Variants in VPS51 observed in about 807,000 individuals in gnomAD.
The protein encoded by VPS51 is vacuolar protein sorting-associated protein 51 homolog.
A neutral mutation model predicts 65.1 loss-of-function variants in VPS51; 55 were observed. That is an observed-to-expected ratio of 0.84 (90% confidence interval 0.68 to 1.06). VPS51 has a LOEUF of 1.06. VPS51 is among the 50% of genes least tolerant of loss of function. The pLI, the probability that VPS51 is intolerant of heterozygous loss-of-function variation, is 0.00. For synonymous variants in VPS51, 473 were observed against 489.5 expected (o/e 0.97, Z 0.44); for missense variants, 943 against 1,101.6 (o/e 0.86, Z 2.04).
chr11:65,111,288 TGCAGTCCCCAA>T, intron 9 of VPS51, 28 bp from the exon 10 acceptor site: 1 of 1,598,886 alleles, frequency 6.3e-7, no homozygotes, highest in Admixed American at 1.7e-5. Flanking sequence ...CACACACACC[TGCAGTCCCCAA>T]GCTGCATCCC....
intron 2 of VPS51, chr11:65,105,400 A>AT (rs1423980439): frequency 6.6e-6 from 1 of 152,042 alleles, no homozygotes. Context: ...AAAAAAAAAA[A>AT]AGAATGAGGT....
chr11:65,108,599 C>T lies in VPS51; in HGVS notation c.1128C>T (p.His376=), dbSNP rs1488702632. The T allele has an allele frequency of 1.3e-6, 2 of 1,535,492 alleles. No individual in the cohort carries two copies. The highest frequency in any genetic ancestry group is 1.4e-5 in the African/African-American group (1 of 72,908). ...TGGTGCGGGCGCTGGACCGCTTCCACCGGCGCTTGCGGGCTCCCGGGGCCC... is the reference window on the plus strand; with the variant it reads ...TGGTGCGGGCGCTGGACCGCTTCCATCGGCGCTTGCGGGCTCCCGGGGCCC... ...SLLVRALDRF[H]RRLRAPGALL... The change falls in exon 5 of 10, where the codon CAC becomes CAT. Residue 376 remains histidine (H), a synonymous_variant. Coordinates refer to ENST00000279281, the MANE Select transcript of VPS51 (RefSeq NM_013265.4).
rs1268526204 is a variant in VPS51 at position 65,110,871 on chromosome 11, CTG to C, written c.2088+93_2088+94del. On this transcript the variant is annotated intron_variant, in intron 9 of 9. Coordinates refer to ENST00000279281, the MANE Select transcript of VPS51 (RefSeq NM_013265.4). ...CACCTGCCCAAGGAGCCCCAGGACT[CTG>C]TGACCAACTGGGGGTGACCCTGACC... 10 of 1,487,720 alleles carry C rather than the reference CTG, an allele frequency of 6.7e-6. No individual in the cohort carries two copies. In the Admixed American group the frequency reaches 6.8e-5, roughly 10 times the overall value. 92.2% of individuals were successfully genotyped at this position (1,487,720 alleles called of 1,614,324 possible). A position where few individuals can be genotyped will look rare whatever the true frequency, so the allele number is the denominator to read the frequency against.
In VPS51 at chr11:65,108,056, G is replaced by A. The variant is rs1947855986; in HGVS notation, c.725+34G>A. The A allele has an allele frequency of 2.0e-6, 3 of 1,487,996 alleles. No individual in the cohort carries two copies. The African/African-American group carries it at 4.2e-5, about 21-fold the overall frequency. The allele number at this position is 1,487,996 out of a possible 1,614,324, so 92.2% of individuals were successfully genotyped here. A position where few individuals can be genotyped will look rare whatever the true frequency, so the allele number is the denominator to read the frequency against. On this transcript the variant is annotated intron_variant, in intron 4 of 9. Coordinates refer to ENST00000279281, the MANE Select transcript of VPS51 (RefSeq NM_013265.4). ...CCTCTGCCCTGACCCCAGCGCTCCC[G>A]CCAGCCCCGAGCCCCATCTGTGCCC...
intron 7 of VPS51, chr11:65,110,268 G>A: frequency 1.2e-6 from 1 of 806,206 alleles, no homozygotes; most frequent in Non-Finnish European, 2.0e-6. Context: ...TGGTGCTGAA[G>A]ATTAGACCTC....
intron 2 of VPS51, among the ~76,000 whole-genome samples, chr11:65,103,391 T>C (rs1207212198): frequency 6.6e-6 from 1 of 152,250 alleles, no homozygotes; most frequent in Non-Finnish European, 1.5e-5. Context: ...CTAAGAGGGC[T>C]AAATGATCCT....
chr11:65,106,471 G>A (rs900079823), intron 2 of VPS51, among the ~76,000 whole-genome samples: 6 of 152,194 alleles, frequency 3.9e-5, no homozygotes, highest in Admixed American at 6.5e-5. Flanking sequence ...ATCAGACCTC[G>A]TCGGGTGCGG....
At chr11:65,098,467 G>C (rs573992083) in intron 2 of VPS51, among the ~76,000 whole-genome samples, 1 of 152,150 alleles carries the variant, frequency 6.6e-6, no homozygotes, top group South Asian at 2.1e-4. Flanking sequence ...GTGCTGTTTT[G>C]AGGAGATGTA....
intron 2 of VPS51, among the ~76,000 whole-genome samples, chr11:65,100,008 C>T (rs1360756295): frequency 2.6e-5 from 4 of 151,926 alleles, no homozygotes; most frequent in African/African-American, 7.3e-5. Context: ...GAGGCTGAGG[C>T]AGGAGAATCG....
Position 65,096,605 on chromosome 11 carries a change from G to T in VPS51, c.228+127G>T, listed in dbSNP as rs1947771676. On this transcript the variant is annotated intron_variant, in intron 1 of 9. Transcript: ENST00000279281. Reference sequence around the variant, plus strand: ...TCAGGAGAGCAGGTGTTCATAAGAGGACGAACCTCGGCCAGGGAGTACGAG... The same window carrying T: ...TCAGGAGAGCAGGTGTTCATAAGAGTACGAACCTCGGCCAGGGAGTACGAG... The T allele has an allele frequency of 4.7e-6, 4 of 857,348 alleles. No homozygotes were observed. In the South Asian group the frequency reaches 7.6e-5, roughly 16 times the overall value. 53.1% of individuals were successfully genotyped at this position (857,348 alleles called of 1,614,324 possible). A position where few individuals can be genotyped will look rare whatever the true frequency, so the allele number is the denominator to read the frequency against.
intron 5 of VPS51, 46 bp downstream of exon 5, chr11:65,108,960 C>G (rs1947867362): frequency 6.3e-7 from 1 of 1,587,816 alleles, no homozygotes; most frequent in Non-Finnish European, 8.6e-7. Context: ...CTGGTTGACC[C>G]TCCAAAACCT....
intron 7 of VPS51, 155 bp downstream of exon 7, chr11:65,110,078 C>G (rs567404314): frequency 1.2e-6 from 1 of 838,242 alleles, no homozygotes; most frequent in Non-Finnish European, 1.8e-6. Context: ...GTAGCCAGGG[C>G]GTCCGTGAGG....
chr11:65,097,087 C>T lies in VPS51; in HGVS notation c.318C>T (p.Thr106=), dbSNP rs575262822. ...QIRALDSDMQ[T]LVYENYNKFI... Reference sequence around the variant, plus strand: ...GGGCTCTAGACAGCGACATGCAGACCCTGGTCTATGAGAACTACAACAAGT... The same window carrying T: ...GGGCTCTAGACAGCGACATGCAGACTCTGGTCTATGAGAACTACAACAAGT... Residue 106 remains threonine (T), a synonymous_variant, in exon 2 of 10, where the codon ACC becomes ACT. Coordinates refer to ENST00000279281, the MANE Select transcript of VPS51 (RefSeq NM_013265.4). 68 of 1,613,966 alleles carry T rather than the reference C, an allele frequency of 4.2e-5. 1 individual carries two copies. The South Asian group carries it at 7.1e-4, about 17-fold the overall frequency.
chr11:65,110,955 A>C, intron 9 of VPS51, 174 bp downstream of exon 9: 1 of 731,624 alleles, frequency 1.4e-6, no homozygotes, highest in Non-Finnish European at 2.3e-6. Flanking sequence ...CTGCCTCCAA[A>C]TCCCACAGCC....
chr11:65,108,986 G>T, intron 5 of VPS51, 72 bp downstream of exon 5: 1 of 1,516,038 alleles, frequency 6.6e-7, no homozygotes, highest in South Asian at 1.1e-5. Context: ...GCCAGTGCTT[G>T]GGAAACTGGG....
Position 65,108,598 on chromosome 11 carries a change from A to G in VPS51, c.1127A>G (p.His376Arg). 2.6e-6 allele frequency: 4 copies of G among 1,535,922 alleles called. No individual in the cohort carries two copies. The highest frequency in any genetic ancestry group is 3.5e-6 in the Non-Finnish European group (4 of 1,148,450). ...SLLVRALDRF[H>R]RRLRAPGALL... ...CTGGTGCGGGCGCTGGACCGCTTCC[A>G]CCGGCGCTTGCGGGCTCCCGGGGCC... The change falls in exon 5 of 10, where the codon CAC becomes CGC. Residue 376 changes from histidine (H) to arginine (R), a missense_variant. His to Arg is a conservative substitution (Grantham distance 29). This residue lies in a region of VPS51 where 855 missense variants were observed against 953.7 expected (regional missense o/e 0.90). Transcript: ENST00000279281.
intron 2 of VPS51, among the ~76,000 whole-genome samples, chr11:65,100,108 T>A (rs1947798269): frequency 6.6e-6 from 1 of 151,798 alleles, no homozygotes; most frequent in African/African-American, 2.4e-5. Flanking sequence ...GTCTCAAAAA[T>A]AATAATAATA....
In VPS51 at chr11:65,108,825, T is replaced by A. The variant is rs1947865527; in HGVS notation, c.1354T>A (p.Ser452Thr). 6.2e-7 allele frequency: 1 copy of A among 1,612,936 alleles called. No homozygotes were observed. Among genetic ancestry groups the A allele is most frequent in the East Asian group, 2.2e-5 (1 of 44,886 alleles). The change falls in exon 5 of 10, where the codon TCC becomes ACC. Residue 452 changes from serine (S) to threonine (T), a missense_variant. This residue lies in a region of VPS51 where 855 missense variants were observed against 953.7 expected (regional missense o/e 0.90). Coordinates refer to ENST00000279281, the MANE Select transcript of VPS51 (RefSeq NM_013265.4). ...LAELLANVAS[S>T]ILSHIKASLA... ...CGAGTTGCTGGCCAATGTGGCCAGC[T>A]CCATCCTGAGCCACATTAAGGCCTC...
Position 65,107,993 on chromosome 11 carries a change from C to A in VPS51, c.696C>A (p.Arg232=). Residue 232 remains arginine, a synonymous_variant, in exon 4 of 10, where the codon CGC becomes CGA. Coordinates refer to ENST00000279281, the MANE Select transcript of VPS51 (RefSeq NM_013265.4). The surrounding 1 kb of genome is among the most constrained non-coding windows in gnomAD (Gnocchi z 4.0). ...IQDDCQVITA[R]LAQQLRQRFR... ...ACGACTGCCAGGTCATCACGGCCCGCCTGGCCCAGCAGCTGCGGCAGCGCT... is the reference window on the plus strand; with the variant it reads ...ACGACTGCCAGGTCATCACGGCCCGACTGGCCCAGCAGCTGCGGCAGCGCT... 1 of 1,549,434 alleles carries A rather than the reference C, an allele frequency of 6.5e-7. No homozygotes were observed. The highest frequency in any genetic ancestry group is 1.4e-5 in the African/African-American group (1 of 73,486).
Sources: allele counts gnomAD v4.1 joint callset (sites outside exome capture counted in the v4.1 genomes callset), GRCh38; gene constraint gnomAD v4.1.1; regional missense constraint gnomAD v4.1.1; non-coding constraint Gnocchi (gnomAD v3.1); transcripts MANE v1.5; gene names NCBI Gene and HGNC (gene_info 2026-07-23, HGNC 2026-07-21).